Variants in AGBL4 observed in about 807,000 individuals in gnomAD.
AGBL4 encodes the protein cytosolic carboxypeptidase 6.
AGBL4 carries 58 observed loss-of-function variants against 66.4 expected under a neutral mutation model. The observed-to-expected ratio is 0.87, with a 90% CI of 0.71 to 1.09. The LOEUF is 1.09. Ranked by LOEUF, AGBL4 falls within the 50% of genes least tolerant of loss-of-function variation. The pLI, the probability that AGBL4 is intolerant of heterozygous loss-of-function variation, is 0.00. For synonymous variants in AGBL4, 234 were observed against 222.9 expected (o/e 1.05, Z -0.44); for missense variants, 579 against 631.0 (o/e 0.92, Z 0.88).
chr1:49,274,260 C>T (rs1644120962), intron 3 of AGBL4, among the ~76,000 whole-genome samples: 2 of 152,048 alleles, frequency 1.3e-5, no homozygotes, highest in Admixed American at 1.3e-4. Context: ...GTCTTTAGAC[C>T]TGAAATTAAC....
chr1:49,523,786 G>T (rs1176765490), intron 3 of AGBL4, among the ~76,000 whole-genome samples: 1 of 152,078 alleles, frequency 6.6e-6, no homozygotes, highest in Non-Finnish European at 1.5e-5. Context: ...ATGCAGAAAT[G>T]AATAAGCCAT....
chr1:49,847,170 T>C (rs1044520749), intron 2 of AGBL4, among the ~76,000 whole-genome samples: 1 of 152,164 alleles, frequency 6.6e-6, no homozygotes, highest in African/African-American at 2.4e-5. Context: ...GAGGACATTG[T>C]TTTCAATAAG....
rs1203804229 is a variant in AGBL4 at position 48,736,012 on chromosome 1, C to T, written c.635-72771G>A. 6.6e-6 allele frequency among the ~76,000 whole-genome samples: 1 copy of T among 152,216 alleles called. No homozygotes were observed. Among genetic ancestry groups the T allele is most frequent in the Non-Finnish European group, 1.5e-5 (1 of 68,046 alleles). The stretch of plus-strand genomic sequence containing the variant: ...GCACACCATCTGTCCCTTTCTCATG[C>T]TAATTCCTTGTGGAATATAATCGTA... On this transcript the variant is annotated intron_variant, in intron 6 of 13. Coordinates refer to ENST00000371839, the MANE Select transcript of AGBL4 (RefSeq NM_032785.4). The surrounding 1 kb of genome is among the most constrained non-coding windows in gnomAD (Gnocchi z 4.0).
At chr1:49,746,678 C>T (rs756754472) in intron 2 of AGBL4, among the ~76,000 whole-genome samples, 1 of 151,962 alleles carries the variant, frequency 6.6e-6, no homozygotes, top group Admixed American at 6.6e-5. Context: ...TGTAACTTGT[C>T]TAGGTAAGCC....
chr1:49,947,495 C>A (rs2148306218), intron 1 of AGBL4, among the ~76,000 whole-genome samples: 1 of 151,980 alleles, frequency 6.6e-6, no homozygotes, highest in Non-Finnish European at 1.5e-5. Flanking sequence ...TCCAGCATCC[C>A]TTTATGATTA....
chr1:49,456,819 C>T (rs770678841), intron 3 of AGBL4, among the ~76,000 whole-genome samples: 6 of 151,674 alleles, frequency 4.0e-5, no homozygotes, highest in Non-Finnish European at 7.4e-5. Flanking sequence ...CGAGAACATA[C>T]GATGTTTGGT....
chr1:48,996,095 A>G (rs572070495), intron 5 of AGBL4, among the ~76,000 whole-genome samples: 3 of 152,172 alleles, frequency 2.0e-5, no homozygotes, highest in Admixed American at 6.5e-5. Context: ...TGTGAGGGAA[A>G]GAAAAAAAAA....
At chr1:49,987,988 A>C in intron 1 of AGBL4, among the ~76,000 whole-genome samples, 1 of 151,920 alleles carries the variant, frequency 6.6e-6, no homozygotes, top group Middle Eastern at 3.4e-3. Context: ...TTTTATAATA[A>C]ATCTTTGCTA....
chr1:48,949,341 G>T (rs533138384), intron 5 of AGBL4, among the ~76,000 whole-genome samples: 6 of 152,326 alleles, frequency 3.9e-5, no homozygotes, highest in African/African-American at 1.4e-4. Flanking sequence ...ATTGGTCAAT[G>T]ATATCCAGTG....
chr1:49,868,937 G>C (rs1269710605), intron 1 of AGBL4, among the ~76,000 whole-genome samples: 3 of 152,210 alleles, frequency 2.0e-5, no homozygotes. Flanking sequence ...ATTAAAAAGT[G>C]GGCAAAGGGC....
At chr1:49,006,409 C>A (rs1661819409) in intron 5 of AGBL4, among the ~76,000 whole-genome samples, 2 of 152,240 alleles carry the variant, frequency 1.3e-5, no homozygotes, top group South Asian at 4.2e-4. Context: ...GCTAGCACAG[C>A]AGTCTGAGAT....
chr1:48,936,337 C>A (rs534149437), intron 5 of AGBL4, among the ~76,000 whole-genome samples: 2 of 152,126 alleles, frequency 1.3e-5, no homozygotes, highest in African/African-American at 4.8e-5. Context: ...TACAGTTTCT[C>A]GGTATCCTTC....
At chr1:49,842,491 C>T (rs1171729020) in intron 2 of AGBL4, 2 of 968,336 alleles carry the variant, frequency 2.1e-6, no homozygotes, top group East Asian at 2.2e-4. Context: ...ATTTACTACT[C>T]AGTCTTAATT....
chr1:49,282,234 G>A (rs1052498019), intron 3 of AGBL4, among the ~76,000 whole-genome samples: 1 of 150,260 alleles, frequency 6.7e-6, no homozygotes. Context: ...TACTTTTTTT[G>A]TATGTCTTAC....
chr1:48,809,020 AG>A (rs1297344640), intron 6 of AGBL4, among the ~76,000 whole-genome samples: 1 of 152,174 alleles, frequency 6.6e-6, no homozygotes, highest in African/African-American at 2.4e-5. Context: ...GCTTTAGACT[AG>A]GCTATGGAGG....
At chr1:48,684,841 G>C (rs931528081) in intron 6 of AGBL4, among the ~76,000 whole-genome samples, 5 of 152,140 alleles carry the variant, frequency 3.3e-5, no homozygotes, top group Admixed American at 2.6e-4. Context: ...ATCTAACTAG[G>C]GCAGAATCAA....
chr1:48,780,112 T>A (rs1237364477), intron 6 of AGBL4, among the ~76,000 whole-genome samples: 1 of 151,986 alleles, frequency 6.6e-6, no homozygotes, highest in African/African-American at 2.4e-5. Flanking sequence ...CATGCCATGA[T>A]GGTTTGCTGC....
At chr1:48,846,309 TAGAC>T (rs56836156) in intron 6 of AGBL4, among the ~76,000 whole-genome samples, 4,700 of 145,022 alleles carry the variant, frequency 0.032, 258 homozygotes, top group African/African-American at 0.11. Flanking sequence ...GATAGATAGA[TAGAC>T]AGATAGATAG....
chr1:49,830,062 T>C (rs1351932337), intron 2 of AGBL4, among the ~76,000 whole-genome samples: 1 of 152,224 alleles, frequency 6.6e-6, no homozygotes, highest in Admixed American at 6.5e-5. Context: ...TTGTGAACAG[T>C]GCTGCAATAA....
Sources: allele counts gnomAD v4.1 joint callset (sites outside exome capture counted in the v4.1 genomes callset), GRCh38; gene constraint gnomAD v4.1.1; non-coding constraint Gnocchi (gnomAD v3.1); transcripts MANE v1.5; gene names NCBI Gene and HGNC (gene_info 2026-07-23, HGNC 2026-07-21).